Variants in GALNT17 observed in about 807,000 individuals in gnomAD.
GALNT17 encodes the protein polypeptide N-acetylgalactosaminyltransferase 17, also known as UDP-GalNAc:polypeptide N-acetylgalactosaminyltransferase-like 3.
A neutral mutation model predicts 63.7 loss-of-function variants in GALNT17; 29 were observed. That is an observed-to-expected ratio of 0.46 (90% confidence interval 0.34 to 0.62). The LOEUF (loss-of-function observed/expected upper bound fraction) is 0.62, where lower values mean the gene tolerates loss of function less well. Ranked by LOEUF, GALNT17 falls within the 20% of genes least tolerant of loss-of-function variation. GALNT17 has a pLI of 0.01. For missense variants in GALNT17, 603 were observed against 799.6 expected, an observed-to-expected ratio of 0.75 and a Z score of 2.97; for synonymous variants, 305 against 318.3, an observed-to-expected ratio of 0.96 and a Z score of 0.45.
At position 71,552,246 on chromosome 7, in the gene GALNT17, T is replaced by C. The variant is rs561222916; in HGVS notation, c.963-19039T>C. ...TTTTAGTAGAGACGGGGTTTGGCCA[T>C]GTTGGCCAGGCTGGTCTTGAACTCC... On this transcript the variant is annotated intron_variant, in intron 5 of 10. Transcript: ENST00000333538. Among the ~76,000 whole-genome samples the C allele has an allele frequency of 8.3e-4, 127 of 152,130 alleles. 1 individual carries two copies. The highest frequency in any genetic ancestry group is 3.4e-3 in the Middle Eastern group (1 of 294).
At chr7:71,519,705 G>A (rs549036754) in intron 5 of GALNT17, among the ~76,000 whole-genome samples, 10 of 152,130 alleles carry the variant, frequency 6.6e-5, no homozygotes, top group South Asian at 2.1e-4. Context: ...CTCAGATGAC[G>A]CACCTGCCTC....
intron 1 of GALNT17, among the ~76,000 whole-genome samples, chr7:71,232,753 C>T (rs917567095): frequency 6.6e-6 from 1 of 152,118 alleles, no homozygotes; most frequent in African/African-American, 2.4e-5. Context: ...CTTTTAATTA[C>T]ACGCAAATTA....
chr7:71,619,258 T>G (rs1384342351), intron 6 of GALNT17, among the ~76,000 whole-genome samples: 1 of 152,232 alleles, frequency 6.6e-6, no homozygotes, highest in East Asian at 1.9e-4. Flanking sequence ...TAGCTCAAGA[T>G]TGCTCTGGCT....
chr7:71,157,915 A>T (rs780338837), intron 1 of GALNT17, among the ~76,000 whole-genome samples: 1 of 151,652 alleles, frequency 6.6e-6, no homozygotes, highest in Non-Finnish European at 1.5e-5. Context: ...ACTTAAAATA[A>T]TGTATGTCAG....
At chr7:71,622,834 T>C (rs1421516096) in intron 6 of GALNT17, among the ~76,000 whole-genome samples, 1 of 152,194 alleles carries the variant, frequency 6.6e-6, no homozygotes, top group Non-Finnish European at 1.5e-5. Context: ...ATAGTGCTCT[T>C]GGTAATGTTT....
At chr7:71,134,604 C>T (rs1041383201) in intron 1 of GALNT17, among the ~76,000 whole-genome samples, 6 of 151,988 alleles carry the variant, frequency 3.9e-5, no homozygotes, top group African/African-American at 1.5e-4. Flanking sequence ...GGGTAGCCCA[C>T]GGAAGTTATG....
intron 1 of GALNT17, among the ~76,000 whole-genome samples, chr7:71,321,906 C>T (rs1357039450): frequency 2.5e-4 from 26 of 104,956 alleles, no homozygotes; most frequent in African/African-American, 9.0e-4. Flanking sequence ...TTCCTTCCTT[C>T]CTTCCTTCCT....
chr7:71,644,988 A>T (rs1790654941), intron 6 of GALNT17, among the ~76,000 whole-genome samples: 1 of 152,172 alleles, frequency 6.6e-6, no homozygotes, highest in South Asian at 2.1e-4. Flanking sequence ...GGTGGCTTCC[A>T]AGGTCTCCAT....
intron 6 of GALNT17, among the ~76,000 whole-genome samples, chr7:71,640,674 T>A (rs1790590761): frequency 6.6e-6 from 1 of 152,114 alleles, no homozygotes; most frequent in South Asian, 2.1e-4. Context: ...AAAAAACCAA[T>A]AACTATATTT....
intron 1 of GALNT17, among the ~76,000 whole-genome samples, chr7:71,224,332 A>T (rs938570967): frequency 1.3e-5 from 2 of 152,170 alleles, no homozygotes; most frequent in Non-Finnish European, 2.9e-5. Flanking sequence ...GCATGAACCG[A>T]GCCTGGCCTC....
At chr7:71,493,561 GAA>G (rs778157904) in intron 5 of GALNT17, among the ~76,000 whole-genome samples, 20 of 152,160 alleles carry the variant, frequency 1.3e-4, no homozygotes, top group Non-Finnish European at 2.8e-4. Context: ...ACATGAAAGG[GAA>G]ACCCCTTATA....
intron 1 of GALNT17, among the ~76,000 whole-genome samples, chr7:71,170,914 C>CT (rs11447286): frequency 0.32 from 47,952 of 151,790 alleles, 9,048 homozygotes; most frequent in African/African-American, 0.53. Context: ...CTGTTTAGTT[C>CT]TTTTTTTTCC....
chr7:71,605,317 A>G (rs1487241717), intron 6 of GALNT17, among the ~76,000 whole-genome samples: 3 of 152,118 alleles, frequency 2.0e-5, no homozygotes, highest in Non-Finnish European at 1.5e-5. Flanking sequence ...GCCAACCACG[A>G]TGGCTCACAC....
intron 6 of GALNT17, among the ~76,000 whole-genome samples, chr7:71,619,027 ATGGC>A (rs1347574828): frequency 1.3e-5 from 2 of 152,226 alleles, no homozygotes; most frequent in Non-Finnish European, 2.9e-5. Flanking sequence ...TCTTCTGCAT[ATGGC>A]TAGCCAGTTG....
At chr7:71,159,601 C>T (rs971655324) in intron 1 of GALNT17, among the ~76,000 whole-genome samples, 1 of 148,810 alleles carries the variant, frequency 6.7e-6, no homozygotes, top group Non-Finnish European at 1.5e-5. Flanking sequence ...GGGAACAAAA[C>T]AATAACTGTT....
At chr7:71,479,551 C>G (rs1043104946) in intron 5 of GALNT17, among the ~76,000 whole-genome samples, 1 of 151,866 alleles carries the variant, frequency 6.6e-6, no homozygotes, top group Admixed American at 6.6e-5. Context: ...TCAGTTAGAA[C>G]GAAGTTTCTC....
rs538040913 is a variant in GALNT17 at position 71,416,169 on chromosome 7, G to T, written c.764+106G>T. The T allele has an allele frequency of 6.9e-6, 9 of 1,309,242 alleles. No individual in the cohort carries two copies. The East Asian group carries it at 2.2e-4, about 32-fold the overall frequency. 81.1% of individuals were successfully genotyped at this position (1,309,242 alleles called of 1,614,324 possible). On this transcript the variant is annotated intron_variant, in intron 4 of 10. Coordinates refer to ENST00000333538, the MANE Select transcript of GALNT17 (RefSeq NM_022479.3). ...TTCACCTGTTACCTGTAGTGGCACTGGGAGACTAGAGAGAGACTCGTCAAA... is the reference window on the plus strand; with the variant it reads ...TTCACCTGTTACCTGTAGTGGCACTTGGAGACTAGAGAGAGACTCGTCAAA...
chr7:71,391,210 A>G (rs1345023076), intron 3 of GALNT17, among the ~76,000 whole-genome samples: 3 of 152,180 alleles, frequency 2.0e-5, no homozygotes, highest in African/African-American at 7.2e-5. Flanking sequence ...GCCCGGGGCT[A>G]GAACACCCAG....
intron 6 of GALNT17, among the ~76,000 whole-genome samples, chr7:71,598,253 T>C (rs1378744354): frequency 6.6e-6 from 1 of 152,170 alleles, no homozygotes; most frequent in Non-Finnish European, 1.5e-5. Context: ...GTAGTTTCAT[T>C]GCTTATTATG....
Sources: gnomAD v4.1 joint callset for allele counts (sites outside exome capture counted in the v4.1 genomes callset) on GRCh38, gnomAD v4.1.1 for gene constraint, MANE v1.5 for transcripts, NCBI Gene and HGNC (gene_info 2026-07-23, HGNC 2026-07-21) for gene names.